The following GRM3 variants were observed in gnomAD, a reference collection of about 807,000 sequenced individuals.
GRM3 encodes metabotropic glutamate receptor 3.
A neutral mutation model predicts 70.5 loss-of-function variants in GRM3; 26 were observed. The observed-to-expected ratio is 0.37, with a 90% CI of 0.27 to 0.51. The LOEUF (loss-of-function observed/expected upper bound fraction) is 0.51, where lower values mean the gene tolerates loss of function less well. Ranked by LOEUF, GRM3 falls within the 20% of genes least tolerant of loss-of-function variation. The pLI, the probability that GRM3 is intolerant of heterozygous loss-of-function variation, is 0.93. For synonymous variants in GRM3, 443 were observed against 434.9 expected (o/e 1.02, Z -0.23); for missense variants, 859 against 1,123.8 (o/e 0.76, Z 3.37).
chr7:86,849,826 C>T (rs750312132), intron 4 of GRM3, among the ~76,000 whole-genome samples: 2 of 151,934 alleles, frequency 1.3e-5, no homozygotes, highest in Non-Finnish European at 2.9e-5. Flanking sequence ...GCAAAGGTAC[C>T]ACAGAAGAAA....
intron 3 of GRM3, among the ~76,000 whole-genome samples, chr7:86,787,886 T>C (rs1279842454): frequency 6.6e-6 from 1 of 152,262 alleles, no homozygotes; most frequent in Non-Finnish European, 1.5e-5. Flanking sequence ...TCTCTAACTA[T>C]AGTATTGCAT....
chr7:86,671,394 T>C (rs1584153334), intron 1 of GRM3, among the ~76,000 whole-genome samples: 1 of 152,236 alleles, frequency 6.6e-6, no homozygotes, highest in Non-Finnish European at 1.5e-5. Flanking sequence ...TTTCATTCTT[T>C]ATGTCCTGAA....
At chr7:86,823,299 T>C (rs1798161288) in intron 3 of GRM3, among the ~76,000 whole-genome samples, 1 of 152,150 alleles carries the variant, frequency 6.6e-6, no homozygotes, top group Non-Finnish European at 1.5e-5. Context: ...CAAGCCAGCA[T>C]CCACCATCCC....
In GRM3 at chr7:86,821,120, T is replaced by A. The variant is rs147398522; in HGVS notation, c.1325-17719T>A. 2.9e-4 allele frequency among the ~76,000 whole-genome samples: 44 copies of A among 152,162 alleles called. 1 individual carries two copies. Among genetic ancestry groups the A allele is most frequent in the African/African-American group, 9.9e-4 (41 of 41,490 alleles). ...ATTCACAAATGACTTGCAAAAGTTA[T>A]AAGGGGACAATATTGCAGATAATGT... On this transcript the variant is annotated intron_variant, in intron 3 of 5. Coordinates refer to ENST00000361669, the MANE Select transcript of GRM3 (RefSeq NM_000840.3).
chr7:86,846,037 G>A (rs1798649428), intron 4 of GRM3, among the ~76,000 whole-genome samples: 2 of 151,262 alleles, frequency 1.3e-5, no homozygotes, highest in South Asian at 4.2e-4. Flanking sequence ...TTAGGGTCTT[G>A]CCTTCTTTTA....
At chr7:86,709,507 T>C (rs1239313687) in intron 1 of GRM3, among the ~76,000 whole-genome samples, 2 of 152,034 alleles carry the variant, frequency 1.3e-5, no homozygotes. Context: ...TATTTCAACA[T>C]TCTCTCAACC....
At chr7:86,661,127 G>A (rs1423306402) in intron 1 of GRM3, among the ~76,000 whole-genome samples, 1 of 151,934 alleles carries the variant, frequency 6.6e-6, no homozygotes, top group African/African-American at 2.4e-5. Flanking sequence ...ATAGGAGAAT[G>A]GGCTTCCTTG....
intron 2 of GRM3, chr7:86,775,944 C>A (rs2116474937): frequency 6.6e-6 from 1 of 152,080 alleles, no homozygotes; most frequent in Middle Eastern, 3.4e-3. Flanking sequence ...TTCATACATA[C>A]CTTAAAATTG....
At chr7:86,751,601 G>A (rs541473645) in intron 1 of GRM3, among the ~76,000 whole-genome samples, 6 of 152,160 alleles carry the variant, frequency 3.9e-5, no homozygotes, top group African/African-American at 1.4e-4. Flanking sequence ...CTTCTGATTG[G>A]AACTCACTCT....
chr7:86,758,479 A>G (rs1796400789), intron 1 of GRM3, among the ~76,000 whole-genome samples: 1 of 152,182 alleles, frequency 6.6e-6, no homozygotes, highest in Non-Finnish European at 1.5e-5. Flanking sequence ...AGGGTAAGGA[A>G]CTTGAGGATG....
intron 1 of GRM3, among the ~76,000 whole-genome samples, chr7:86,693,777 T>C (rs529359230): frequency 5.3e-5 from 8 of 152,316 alleles, no homozygotes; most frequent in African/African-American, 1.9e-4. Context: ...AATGAGTATT[T>C]ATTGAACACC....
At chr7:86,770,020 G>C (rs1026640395) in intron 2 of GRM3, among the ~76,000 whole-genome samples, 3 of 152,122 alleles carry the variant, frequency 2.0e-5, no homozygotes, top group Non-Finnish European at 2.9e-5. Context: ...GTTGCTGTTA[G>C]GTGATTGTCT....
At chr7:86,756,740 A>C (rs1004847953) in intron 1 of GRM3, among the ~76,000 whole-genome samples, 11 of 151,970 alleles carry the variant, frequency 7.2e-5, no homozygotes, top group Non-Finnish European at 1.2e-4. Context: ...TTGTAATCTT[A>C]TGTTTATCAT....
intron 1 of GRM3, among the ~76,000 whole-genome samples, chr7:86,689,897 A>G (rs1158827857): frequency 9.9e-5 from 15 of 152,154 alleles, no homozygotes; most frequent in Admixed American, 9.2e-4. Context: ...GCTTATAAAT[A>G]ATTGTAATAA....
At chr7:86,832,157 A>G (rs1798364732) in intron 3 of GRM3, among the ~76,000 whole-genome samples, 2 of 151,682 alleles carry the variant, frequency 1.3e-5, no homozygotes, top group Non-Finnish European at 2.9e-5. Context: ...TCTTTCACCT[A>G]TATCTTAATT....
At chr7:86,709,841 G>A (rs1795151603) in intron 1 of GRM3, among the ~76,000 whole-genome samples, 1 of 152,130 alleles carries the variant, frequency 6.6e-6, no homozygotes, top group African/African-American at 2.4e-5. Flanking sequence ...CTAAGACTTA[G>A]TAGATGTAGT....
chr7:86,850,439 C>G lies in GRM3; in HGVS notation c.2461C>G (p.Pro821Ala). 6.2e-7 allele frequency: 1 copy of G among 1,612,400 alleles called. No homozygotes were observed. The highest frequency in any genetic ancestry group is 1.1e-5 in the South Asian group (1 of 91,046). The change falls in exon 5 of 6, where the codon CCC (proline) becomes GCC (alanine). Residue 821 changes from proline to alanine, a missense_variant. Pro to Ala is a conservative substitution (Grantham distance 27). Coordinates refer to ENST00000361669, the MANE Select transcript of GRM3 (RefSeq NM_000840.3). Reference protein sequence around the residue: ...GFVVLGCLFAPKVHIILFQPQ... With the variant: ...GFVVLGCLFAAKVHIILFQPQ... ...TGTGGTCTTGGGCTGTTTGTTTGCA[C>G]CCAAGGTTCACATCATCCTGTTTCA...
At chr7:86,735,317 C>T (rs944865112) in intron 1 of GRM3, among the ~76,000 whole-genome samples, 1 of 152,094 alleles carries the variant, frequency 6.6e-6, no homozygotes, top group African/African-American at 2.4e-5. Flanking sequence ...CTAGACCTCA[C>T]ATAGAATTTG....
At chr7:86,816,221 C>T (rs1798011552) in intron 3 of GRM3, among the ~76,000 whole-genome samples, 1 of 151,852 alleles carries the variant, frequency 6.6e-6, no homozygotes, top group Admixed American at 6.6e-5. Flanking sequence ...AAATATAGTG[C>T]TTCCCCATCC....
Sources: gnomAD v4.1 joint callset for allele counts (sites outside exome capture counted in the v4.1 genomes callset) on GRCh38, gnomAD v4.1.1 for gene constraint, MANE v1.5 for transcripts, NCBI Gene and HGNC (gene_info 2026-07-23, HGNC 2026-07-21) for gene names.